RALGAPA2: variants seen among roughly 807,000 people sequenced by gnomAD.
The protein encoded by RALGAPA2 is ral GTPase-activating protein subunit alpha-2.
A neutral mutation model predicts 230.4 loss-of-function variants in RALGAPA2; 139 were observed. The observed-to-expected ratio is 0.60, with a 90% CI of 0.53 to 0.69. The LOEUF (loss-of-function observed/expected upper bound fraction) is 0.69. RALGAPA2 is among the 30% of genes least tolerant of loss of function. The probability of loss-of-function intolerance (pLI) is 0.00; values close to 1 mark genes in which losing one functional copy is unlikely to be tolerated. For missense variants in RALGAPA2, 2,163 were observed against 2,276.0 expected, an observed-to-expected ratio of 0.95 and a Z score of 1.01; for synonymous variants, 847 against 837.8, an observed-to-expected ratio of 1.01 and a Z score of -0.19.
At chr20:20,436,126 C>T (rs1569398235) in intron 37 of RALGAPA2, among the ~76,000 whole-genome samples, 3 of 152,182 alleles carry the variant, frequency 2.0e-5, no homozygotes, top group Admixed American at 6.5e-5. Flanking sequence ...GACATTTCCC[C>T]GTCTGTCTGC....
intron 27 of RALGAPA2, 72 bp from the exon 28 acceptor site, chr20:20,526,434 T>A (rs2063205874): frequency 4.0e-6 from 4 of 988,044 alleles, no homozygotes; most frequent in African/African-American, 1.6e-5. Context: ...GACAAAATAG[T>A]TATTTCTTCT....
intron 36 of RALGAPA2, among the ~76,000 whole-genome samples, chr20:20,473,456 G>T (rs1393628302): frequency 6.6e-6 from 1 of 152,052 alleles, no homozygotes; most frequent in East Asian, 1.9e-4. Flanking sequence ...TTCCCCCTCT[G>T]CTTCCAAGAT....
intron 37 of RALGAPA2, among the ~76,000 whole-genome samples, chr20:20,442,692 T>A (rs2060763809): frequency 6.6e-6 from 1 of 152,210 alleles, no homozygotes; most frequent in Non-Finnish European, 1.5e-5. Context: ...AATTATAAGA[T>A]CCACCTTGAA....
intron 1 of RALGAPA2, among the ~76,000 whole-genome samples, chr20:20,709,297 T>G (rs2069745928): frequency 1.3e-5 from 2 of 150,790 alleles, no homozygotes; most frequent in Admixed American, 1.3e-4. Flanking sequence ...CCAGCGTGGG[T>G]AACAGAGTGA....
At chr20:20,670,006 T>C (rs750367509) in intron 3 of RALGAPA2, among the ~76,000 whole-genome samples, 5 of 152,208 alleles carry the variant, frequency 3.3e-5, no homozygotes, top group African/African-American at 1.2e-4. Flanking sequence ...ATATCACTTC[T>C]GAAAAGAACC....
intron 1 of RALGAPA2, among the ~76,000 whole-genome samples, chr20:20,699,482 C>A (rs564482407): frequency 3.7e-4 from 57 of 152,246 alleles, no homozygotes; most frequent in Non-Finnish European, 7.1e-4. Flanking sequence ...ACTGTTTACA[C>A]CAGGAATATG....
At chr20:20,555,570 A>C (rs2064059958) in intron 23 of RALGAPA2, among the ~76,000 whole-genome samples, 1 of 152,156 alleles carries the variant, frequency 6.6e-6, no homozygotes, top group African/African-American at 2.4e-5. Context: ...CCATTTATTT[A>C]GGTAGTTTTT....
intron 3 of RALGAPA2, among the ~76,000 whole-genome samples, chr20:20,661,794 C>T (rs753306502): frequency 6.6e-6 from 1 of 152,082 alleles, no homozygotes; most frequent in Non-Finnish European, 1.5e-5. Flanking sequence ...AAAGGAGGCT[C>T]ACATGCACAC....
At chr20:20,520,694 T>C (rs551076039) in intron 31 of RALGAPA2, among the ~76,000 whole-genome samples, 9 of 152,052 alleles carry the variant, frequency 5.9e-5, no homozygotes, top group Non-Finnish European at 1.2e-4. Context: ...ATTTGAGACA[T>C]ACCTGTCTTC....
chr20:20,414,356 A>C (rs1262011023), intron 37 of RALGAPA2, among the ~76,000 whole-genome samples: 1 of 152,194 alleles, frequency 6.6e-6, no homozygotes, highest in African/African-American at 2.4e-5. Flanking sequence ...TGCGTCCAAC[A>C]CATCCACATA....
chr20:20,703,358 A>T (rs1352468765), intron 1 of RALGAPA2, among the ~76,000 whole-genome samples: 2 of 152,208 alleles, frequency 1.3e-5, no homozygotes, highest in African/African-American at 4.8e-5. Context: ...AATCCTTTAA[A>T]TGACATAATC....
chr20:20,671,149 A>G (rs1186659140), intron 3 of RALGAPA2, among the ~76,000 whole-genome samples: 1 of 152,144 alleles, frequency 6.6e-6, no homozygotes, highest in Non-Finnish European at 1.5e-5. Flanking sequence ...GGTGGCCTTC[A>G]CTGCACATCA....
At chr20:20,646,876 G>A (rs1298682839) in intron 4 of RALGAPA2, among the ~76,000 whole-genome samples, 1 of 143,302 alleles carries the variant, frequency 7.0e-6, no homozygotes, top group Non-Finnish European at 1.5e-5. Flanking sequence ...GTATACTTCT[G>A]TATGTGTGTT....
Position 20,583,188 on chromosome 20 carries a change from T to G in RALGAPA2, c.2569A>C (p.Asn857His). 1 of 1,613,602 alleles carries G rather than the reference T, an allele frequency of 6.2e-7. No individual in the cohort carries two copies. The highest frequency in any genetic ancestry group is 1.3e-5 in the African/African-American group (1 of 75,018). ...GGGCCCATGGACAGCTCTGCCTCATTGGTACAGCCCAGAGTTGTGTCACTG... is the reference window on the plus strand; with the variant it reads ...GGGCCCATGGACAGCTCTGCCTCATGGGTACAGCCCAGAGTTGTGTCACTG... ...TNSDTTLGCT[N>H]EAELSMGPWQ... Residue 857 changes from asparagine to histidine, a missense_variant, in exon 20 of 40, where the codon AAT becomes CAT. Physicochemically the swap from Asn to His is moderately conservative, Grantham distance 68. Coordinates refer to ENST00000202677, the MANE Select transcript of RALGAPA2 (RefSeq NM_020343.4).
In RALGAPA2 at chr20:20,653,716, T is replaced by C. The variant is rs1389590026; in HGVS notation, c.271-129A>G. ...AAACTATGTACAATAACATAAATAC[T>C]GCACTTCATGCTGTATTCCTATGAG... On this transcript the variant is annotated intron_variant, in intron 3 of 39. Transcript: ENST00000202677. The C allele has an allele frequency of 7.5e-6, 4 of 534,252 alleles. No individual in the cohort carries two copies. The Admixed American group carries it at 1.3e-4, about 17-fold the overall frequency. 33.1% of individuals were successfully genotyped at this position (534,252 alleles called of 1,614,324 possible).
At chr20:20,576,253 T>C (rs2064816606) in intron 20 of RALGAPA2, among the ~76,000 whole-genome samples, 1 of 152,162 alleles carries the variant, frequency 6.6e-6, no homozygotes, top group Non-Finnish European at 1.5e-5. Flanking sequence ...AAGATTATTA[T>C]AAAGTCTACA....
chr20:20,686,496 C>A (rs1473741823), intron 1 of RALGAPA2, among the ~76,000 whole-genome samples: 1 of 150,724 alleles, frequency 6.6e-6, no homozygotes, highest in Non-Finnish European at 1.5e-5. Context: ...CGCACCACTG[C>A]ACTCCAGCCT....
intron 37 of RALGAPA2, among the ~76,000 whole-genome samples, chr20:20,439,013 C>G (rs16981920): frequency 0.029 from 4,427 of 152,252 alleles, 218 homozygotes; most frequent in African/African-American, 0.1. Flanking sequence ...GCCACTGTCT[C>G]TAGCAGGCCC....
intron 27 of RALGAPA2, among the ~76,000 whole-genome samples, chr20:20,529,301 G>A (rs1296537266): frequency 6.6e-6 from 1 of 152,138 alleles, no homozygotes; most frequent in African/African-American, 2.4e-5. Flanking sequence ...GATTCAACAG[G>A]ACAATCTCCA....
Sources: gnomAD v4.1 joint callset for allele counts (sites outside exome capture counted in the v4.1 genomes callset) on GRCh38, gnomAD v4.1.1 for gene constraint, MANE v1.5 for transcripts, NCBI Gene and HGNC (gene_info 2026-07-23, HGNC 2026-07-21) for gene names.